Variants in C1orf94 observed in about 807,000 individuals in gnomAD.
The protein encoded by C1orf94 is uncharacterized protein C1orf94.
Under a neutral mutation model 53.6 loss-of-function variants are expected in C1orf94, and 45 were observed. The observed-to-expected ratio is 0.84, with a 90% CI of 0.66 to 1.08. The LOEUF (loss-of-function observed/expected upper bound fraction) is 1.08, where lower values mean the gene tolerates loss of function less well. Ranked by LOEUF, C1orf94 falls within the 50% of genes least tolerant of loss-of-function variation. The pLI is 0.00. For missense variants in C1orf94, 762 were observed against 738.9 expected, an observed-to-expected ratio of 1.03 and a Z score of -0.36; for synonymous variants, 304 against 296.1, an observed-to-expected ratio of 1.03 and a Z score of -0.27.
chr1:34,174,746 G>A (rs1642196728), upstream of C1orf94, among the ~76,000 whole-genome samples: 1 of 152,164 alleles, frequency 6.6e-6, no homozygotes, highest in Non-Finnish European at 1.5e-5. Context: ...ATAAAATTCT[G>A]TTGTTTAAGC....
chr1:34,167,562 G>T (rs1229729429), intron 1 of C1orf94, among the ~76,000 whole-genome samples: 4 of 151,430 alleles, frequency 2.6e-5, no homozygotes, highest in African/African-American at 9.7e-5. Flanking sequence ...CACATCCTCC[G>T]CCATTCCTGC....
intron 1 of C1orf94, among the ~76,000 whole-genome samples, chr1:34,194,440 C>G (rs1183668247): frequency 6.6e-6 from 1 of 152,132 alleles, no homozygotes; most frequent in Admixed American, 6.5e-5. Flanking sequence ...AAGGGACCAT[C>G]ATGGGGTGAT....
chr1:34,203,609 G>A (rs1642748975), intron 4 of C1orf94, among the ~76,000 whole-genome samples: 1 of 152,134 alleles, frequency 6.6e-6, no homozygotes, highest in African/African-American at 2.4e-5. Flanking sequence ...ACACCAAGCA[G>A]TCTTAGCTTT....
intron 1 of C1orf94, among the ~76,000 whole-genome samples, chr1:34,186,431 A>G (rs2148613685): frequency 6.6e-6 from 1 of 152,374 alleles, no homozygotes; most frequent in Middle Eastern, 3.4e-3. Flanking sequence ...AAATAACAGG[A>G]CATGATTGAT....
At chr1:34,200,391 G>A (rs920628187) in intron 2 of C1orf94, among the ~76,000 whole-genome samples, 2 of 152,092 alleles carry the variant, frequency 1.3e-5, no homozygotes, top group Non-Finnish European at 2.9e-5. Flanking sequence ...TTCGAATAAA[G>A]GAATGATGGA....
At chr1:34,171,855 G>C (rs1000805608) in intron 1 of C1orf94, among the ~76,000 whole-genome samples, 1 of 152,190 alleles carries the variant, frequency 6.6e-6, no homozygotes, top group Non-Finnish European at 1.5e-5. Flanking sequence ...GACAAATAAG[G>C]ATACCCAGTT....
At chr1:34,201,130 A>G in intron 3 of C1orf94, 98 bp downstream of exon 3, 1 of 1,474,916 alleles carries the variant, frequency 6.8e-7, no homozygotes, top group Non-Finnish European at 9.1e-7. Context: ...TGTCTTATCT[A>G]CTGCCTTTCT....
intron 2 of C1orf94, among the ~76,000 whole-genome samples, chr1:34,199,359 G>A (rs1466964859): frequency 1.3e-5 from 2 of 152,176 alleles, no homozygotes; most frequent in African/African-American, 4.8e-5. Flanking sequence ...CAGGCTAGGG[G>A]CTGAATTCGG....
intron 1 of C1orf94, among the ~76,000 whole-genome samples, chr1:34,170,608 C>A (rs931523153): frequency 6.6e-6 from 1 of 152,100 alleles, no homozygotes; most frequent in Non-Finnish European, 1.5e-5. Context: ...GGATGGGCAA[C>A]TCTAGGATGG....
At position 34,186,837 on chromosome 1, in the gene C1orf94, C is replaced by T. The variant is rs562276828; in HGVS notation, c.320+8728C>T. Among the ~76,000 whole-genome samples the T allele has an allele frequency of 3.9e-5, 6 of 152,306 alleles. No homozygotes were observed. The South Asian group carries it at 6.2e-4, about 16-fold the overall frequency. The stretch of plus-strand genomic sequence containing the variant: ...TGCCTTGTGGCAACAATTCCTCTTC[C>T]GCTACTGCACTATGGGCTTCTTAAG... On this transcript the variant is annotated intron_variant, in intron 1 of 6. Transcript: ENST00000488417.
At position 34,177,676 on chromosome 1, in the gene C1orf94, C is replaced by A. The variant is rs1642250002; in HGVS notation, c.-114C>A. 1.1e-6 allele frequency: 1 copy of A among 934,350 alleles called. No homozygotes were observed. Among genetic ancestry groups the A allele is most frequent in the Non-Finnish European group, 1.6e-6 (1 of 639,912 alleles). 57.9% of individuals were successfully genotyped at this position (934,350 alleles called of 1,614,324 possible). A position where few individuals can be genotyped will look rare whatever the true frequency, so the allele number is the denominator to read the frequency against. On this transcript the variant is annotated 5_prime_UTR_variant, in exon 1 of 7. Coordinates refer to ENST00000488417, the MANE Select transcript of C1orf94 (RefSeq NM_001134734.2). Reference sequence around the variant, plus strand: ...TCCCCAAAAGAAAGCTGTCCTCCACCCACCCCTCCCACACAAATAGAAGGC... The same window carrying A: ...TCCCCAAAAGAAAGCTGTCCTCCACACACCCCTCCCACACAAATAGAAGGC...
At chr1:34,182,906 G>A (rs148098150) in intron 1 of C1orf94, among the ~76,000 whole-genome samples, 152 of 152,244 alleles carry the variant, frequency 1.0e-3, no homozygotes, top group African/African-American at 3.4e-3. Flanking sequence ...GCTTTCCTCA[G>A]ATTTTCAAAG....
chr1:34,169,017 T>A (rs1316795456), intron 1 of C1orf94, among the ~76,000 whole-genome samples: 1 of 152,216 alleles, frequency 6.6e-6, no homozygotes, highest in Non-Finnish European at 1.5e-5. Context: ...TTTCTGTGTA[T>A]AGCATGGCTC....
chr1:34,182,638 T>C (rs1450377323), intron 1 of C1orf94, among the ~76,000 whole-genome samples: 3 of 152,168 alleles, frequency 2.0e-5, no homozygotes, highest in African/African-American at 7.2e-5. Flanking sequence ...ATGGACCTAC[T>C]CATGATTTGG....
intron 5 of C1orf94, among the ~76,000 whole-genome samples, chr1:34,208,882 C>T (rs193265035): frequency 4.6e-5 from 7 of 152,250 alleles, no homozygotes; most frequent in East Asian, 1.9e-4. Flanking sequence ...CACTGGCCAA[C>T]GCAAACGACA....
At chr1:34,192,114 C>A (rs1366333269) in intron 1 of C1orf94, among the ~76,000 whole-genome samples, 1 of 152,130 alleles carries the variant, frequency 6.6e-6, no homozygotes, top group South Asian at 2.1e-4. Context: ...TTTTTCCCAA[C>A]CCCAAAGAGA....
At chr1:34,167,844 G>A (rs548406917) in intron 1 of C1orf94, among the ~76,000 whole-genome samples, 41 of 152,198 alleles carry the variant, frequency 2.7e-4, no homozygotes, top group African/African-American at 9.4e-4. Context: ...AAGAAGGAAA[G>A]TAGGATTTGG....
rs139413506 is a variant in C1orf94, at chr1:34,210,678, G to A, written c.1525-1532G>A. ...GTGGATTGTTTTTTTTTTTTTAGAC[G>A]GAGTCTCGCTCTGTTGCCCAGGCTG... On this transcript the variant is annotated intron_variant, in intron 5 of 6. Transcript: ENST00000488417. 5.1e-3 allele frequency among the ~76,000 whole-genome samples: 766 copies of A among 150,952 alleles called. 5 individuals are homozygous for A. The highest frequency in any genetic ancestry group is 0.028 in the South Asian group (133 of 4,786).
At chr1:34,170,873 G>A (rs1642136185) in intron 1 of C1orf94, among the ~76,000 whole-genome samples, 1 of 151,982 alleles carries the variant, frequency 6.6e-6, no homozygotes, top group South Asian at 2.1e-4. Context: ...CCCACATCAA[G>A]CCATCACTGA....
Sources: allele counts gnomAD v4.1 joint callset (sites outside exome capture counted in the v4.1 genomes callset), GRCh38; gene constraint gnomAD v4.1.1; transcripts MANE v1.5; gene names NCBI Gene and HGNC (gene_info 2026-07-23, HGNC 2026-07-21).